The following STX8 variants were observed in gnomAD, a reference collection of about 807,000 sequenced individuals.
STX8 encodes the protein syntaxin-8.
STX8 carries 23 observed loss-of-function variants against 37.5 expected under a neutral mutation model. The ratio of observed to expected loss-of-function variants is 0.61; its 90% CI spans 0.44 to 0.87. The LOEUF (loss-of-function observed/expected upper bound fraction) is 0.87. Among genes scored for constraint, STX8 ranks in the 40% least tolerant of loss-of-function variants. The pLI is 0.00. For missense variants in STX8, 313 were observed against 284.7 expected (o/e 1.10, Z -0.71); for synonymous variants, 115 against 99.1 (o/e 1.16, Z -0.95).
At chr17:9,296,931 A>C (rs778841436) in intron 7 of STX8, among the ~76,000 whole-genome samples, 11 of 152,156 alleles carry the variant, frequency 7.2e-5, no homozygotes, top group Non-Finnish European at 1.3e-4. Flanking sequence ...TTCAACATAA[A>C]TCTTACTCAA....
chr17:9,384,918 A>C (rs1336525676), intron 6 of STX8, among the ~76,000 whole-genome samples: 1 of 151,518 alleles, frequency 6.6e-6, no homozygotes, highest in African/African-American at 2.4e-5. Context: ...AGGAAGTAAA[A>C]AACCCCTCAA....
chr17:9,299,564 C>T (rs184535797), intron 7 of STX8, among the ~76,000 whole-genome samples: 2 of 151,908 alleles, frequency 1.3e-5, no homozygotes, highest in East Asian at 1.9e-4. Context: ...CTGCCTCAGC[C>T]TCCTGAGTAG....
Position 9,561,973 on chromosome 17 carries a change from C to T in STX8, c.118-4445G>A, listed in dbSNP as rs142300714. On this transcript the variant is annotated intron_variant, in intron 2 of 7. Transcript: ENST00000306357. ...GACACTAGTTAAATAGATAGCAGCC[C>T]TTCGTGTAAAAGATGAAACCATATA... Among the ~76,000 whole-genome samples, 325 of 152,054 alleles carry T rather than the reference C, an allele frequency of 2.1e-3. 1 individual carries two copies. Among genetic ancestry groups the T allele is most frequent in the African/African-American group, 7.5e-3 (310 of 41,486 alleles).
At chr17:9,412,061 C>T (rs1912999233) in intron 6 of STX8, among the ~76,000 whole-genome samples, 1 of 151,884 alleles carries the variant, frequency 6.6e-6, no homozygotes, top group African/African-American at 2.4e-5. Flanking sequence ...TATTAAAGTC[C>T]TAGTAGTAAA....
chr17:9,564,654 TA>T (rs1226676266), intron 2 of STX8, among the ~76,000 whole-genome samples: 1 of 151,962 alleles, frequency 6.6e-6, no homozygotes, highest in African/African-American at 2.4e-5. Flanking sequence ...AACCATGAGG[TA>T]AAGATCTCTA....
At chr17:9,250,762 T>C in intron 7 of STX8, 117 bp from the exon 8 acceptor site, 1 of 1,051,944 alleles carries the variant, frequency 9.5e-7, no homozygotes, top group Non-Finnish European at 1.4e-6. Context: ...CTTCAGTTTG[T>C]ACGAAGTGGA....
intron 6 of STX8, among the ~76,000 whole-genome samples, chr17:9,424,807 G>A (rs1200255649): frequency 9.9e-5 from 15 of 152,130 alleles, no homozygotes; most frequent in Non-Finnish European, 2.1e-4. Context: ...TGCTGCCTAG[G>A]TACAAAGCAC....
chr17:9,323,675 G>A (rs1367436354), intron 7 of STX8, among the ~76,000 whole-genome samples: 2 of 152,244 alleles, frequency 1.3e-5, no homozygotes, highest in East Asian at 3.9e-4. Flanking sequence ...GAGAAAAAAT[G>A]AAGAGAAGAG....
chr17:9,494,262 G>T (rs1396619033), intron 5 of STX8, among the ~76,000 whole-genome samples: 1 of 151,622 alleles, frequency 6.6e-6, no homozygotes, highest in Non-Finnish European at 1.5e-5. Flanking sequence ...TGATCCGCCC[G>T]CCTCGGCCTC....
Position 9,403,390 on chromosome 17 carries a change from GAAC to G in STX8, c.542-24740_542-24738del, listed in dbSNP as rs1284668388. On this transcript the variant is annotated intron_variant, in intron 6 of 7. Coordinates refer to ENST00000306357, the MANE Select transcript of STX8 (RefSeq NM_004853.3). Reference sequence around the variant, plus strand: ...TGTGAATGACATTTACATAATCATAGAACAATAAACACTGATTCAACACTGAAA... The same window carrying G: ...TGTGAATGACATTTACATAATCATAGAATAAACACTGATTCAACACTGAAA... 2.6e-5 allele frequency among the ~76,000 whole-genome samples: 4 copies of G among 152,254 alleles called. No individual in the cohort carries two copies. The East Asian group carries it at 5.8e-4, about 22-fold the overall frequency.
intron 6 of STX8, among the ~76,000 whole-genome samples, chr17:9,437,324 A>G (rs955609362): frequency 6.6e-6 from 1 of 152,222 alleles, no homozygotes; most frequent in Non-Finnish European, 1.5e-5. Flanking sequence ...GGAGCCATTA[A>G]CAAGAGGATT....
intron 7 of STX8, among the ~76,000 whole-genome samples, chr17:9,355,309 TC>T (rs1437581072): frequency 2.0e-5 from 3 of 151,546 alleles, no homozygotes; most frequent in Non-Finnish European, 4.4e-5. Flanking sequence ...TCTTCCTGTG[TC>T]TTTTGGTTCT....
chr17:9,447,285 T>C (rs1443922671), intron 6 of STX8, among the ~76,000 whole-genome samples: 1 of 152,242 alleles, frequency 6.6e-6, no homozygotes, highest in Non-Finnish European at 1.5e-5. Context: ...ACTTCAGAGT[T>C]CAACATTTTA....
At chr17:9,502,999 G>A (rs112490028) in intron 5 of STX8, among the ~76,000 whole-genome samples, 36 of 150,772 alleles carry the variant, frequency 2.4e-4, no homozygotes, top group African/African-American at 6.6e-4. Flanking sequence ...CCAGCCACTC[G>A]GGAAGCTGAG....
intron 6 of STX8, among the ~76,000 whole-genome samples, chr17:9,471,393 C>T (rs1221724011): frequency 2.0e-5 from 3 of 151,866 alleles, no homozygotes; most frequent in Non-Finnish European, 2.9e-5. Flanking sequence ...CCTCATGATC[C>T]ACCTACCTCG....
At chr17:9,294,280 G>A (rs1283045275) in intron 7 of STX8, among the ~76,000 whole-genome samples, 1 of 152,216 alleles carries the variant, frequency 6.6e-6, no homozygotes, top group Non-Finnish European at 1.5e-5. Flanking sequence ...CTGGCTGGAA[G>A]GCCTAATGGT....
At chr17:9,560,630 A>G (rs1332899644) in intron 2 of STX8, among the ~76,000 whole-genome samples, 1 of 152,180 alleles carries the variant, frequency 6.6e-6, no homozygotes, top group Non-Finnish European at 1.5e-5. Context: ...AACGCTCAAT[A>G]TTGTGAAAAT....
chr17:9,253,349 CAGA>C (rs1395181570), intron 7 of STX8, among the ~76,000 whole-genome samples: 2 of 151,960 alleles, frequency 1.3e-5, no homozygotes, highest in East Asian at 1.9e-4. Flanking sequence ...TTGCCAGAAG[CAGA>C]AGAACAAATC....
chr17:9,300,214 C>T (rs935242678), intron 7 of STX8, among the ~76,000 whole-genome samples: 3 of 151,776 alleles, frequency 2.0e-5, no homozygotes, highest in Non-Finnish European at 4.4e-5. Flanking sequence ...GCCTGTAATC[C>T]CAGCTACTTG....
Sources: allele counts gnomAD v4.1 joint callset (sites outside exome capture counted in the v4.1 genomes callset), GRCh38; gene constraint gnomAD v4.1.1; transcripts MANE v1.5; gene names NCBI Gene and HGNC (gene_info 2026-07-23, HGNC 2026-07-21).